The following TAF6 variants were observed in gnomAD, a reference collection of about 807,000 sequenced individuals.
TAF6 encodes TATA-box binding protein associated factor 6.
Under a neutral mutation model 73.5 loss-of-function variants are expected in TAF6, and 50 were observed. That is an observed-to-expected ratio of 0.68 (90% CI 0.54 to 0.86). TAF6 has a LOEUF of 0.86. Ranked by LOEUF, TAF6 falls within the 40% of genes least tolerant of loss-of-function variation. The pLI is 0.00. For synonymous variants in TAF6, 424 were observed against 376.7 expected (o/e 1.13, Z -1.45); for missense variants, 768 against 899.5 (o/e 0.85, Z 1.87).
the TAF6 span, among the ~76,000 whole-genome samples, chr7:100,126,300 C>T: frequency 6.6e-6 from 1 of 152,186 alleles, no homozygotes; most frequent in Non-Finnish European, 1.5e-5. Flanking sequence ...TGAGATCACG[C>T]CACTGCACTC....
At position 100,111,747 on chromosome 7, in the gene TAF6, G is replaced by A. The variant is rs201325313; in HGVS notation, c.881C>T (p.Thr294Met). 6.2e-6 allele frequency: 10 copies of A among 1,614,184 alleles called. No individual in the cohort carries two copies. The African/African-American group carries it at 6.7e-5, about 11-fold the overall frequency. Reference protein sequence around the residue: ...RMVKALMDNPTLYLEKYVHEL... With the variant: ...RMVKALMDNPMLYLEKYVHEL... ...ACTCACGTATTTTTCTAGATAGAGC[G>A]TGGGGTTGTCCATCAGCGCTTTCAC... The change falls in exon 9 of 15, where the codon ACG becomes ATG. Residue 294 changes from threonine (T) to methionine (M), a missense_variant. By Grantham distance (81) the Thr-to-Met change is moderately conservative (BLOSUM62 -1). Coordinates refer to ENST00000453269, the MANE Select transcript of TAF6 (RefSeq NM_139315.3).
chr7:100,121,117 T>TATATATATATATATATATA (rs1491228284), upstream of TAF6: 18 of 35,118 alleles, frequency 5.1e-4, no homozygotes, highest in African/African-American at 7.7e-4. Flanking sequence ...TATATATATA[T>TATATATATATATATATATA]TTTTTTTTTT....
chr7:100,107,388 G>T lies in TAF6; in HGVS notation c.1892C>A (p.Pro631Gln), dbSNP rs148250440. 3 of 1,596,238 alleles carry T rather than the reference G, an allele frequency of 1.9e-6. No individual in the cohort carries two copies. The highest frequency in any genetic ancestry group is 3.5e-5 in the Admixed American group (2 of 57,918). Reference sequence around the variant, plus strand: ...GCTGAGTGGGGACGGGGACGATGCCGGGGGAGGAACTGGAGAAGGATGGGA... The same window carrying T: ...GCTGAGTGGGGACGGGGACGATGCCTGGGGAGGAACTGGAGAAGGATGGGA... Reference protein sequence around the residue: ...PTSHPSPVPPPASSPSPLSGS... With the variant: ...PTSHPSPVPPQASSPSPLSGS... Residue 631 changes from proline (P) to glutamine (Q), a missense_variant, in exon 15 of 15, where the codon CCG becomes CAG. Pro to Gln is a moderately conservative substitution (Grantham distance 76). Around this residue, in one of 5 missense-constraint regions of TAF6, gnomAD observed 350 missense variants for 352.3 expected, o/e 0.99. Transcript: ENST00000453269.
At chr7:100,117,769 G>A (rs1161916337) in intron 1 of TAF6, among the ~76,000 whole-genome samples, 2 of 152,100 alleles carry the variant, frequency 1.3e-5, no homozygotes, top group East Asian at 1.9e-4. Flanking sequence ...TGGGCCGGCC[G>A]TGGTGGCTCA....
rs1238279473 is a variant in TAF6 at position 100,119,348 on chromosome 7, T to C, written c.-204A>G. On this transcript the variant is annotated 5_prime_UTR_variant, in exon 1 of 15. Coordinates refer to ENST00000453269, the MANE Select transcript of TAF6 (RefSeq NM_139315.3). Reference sequence around the variant, plus strand: ...GCTCACCCGGCGCTCGGCGCCATCTTGGCCCCGCCCCCTCGTGGGAGCAGG... The same window carrying C: ...GCTCACCCGGCGCTCGGCGCCATCTCGGCCCCGCCCCCTCGTGGGAGCAGG... The C allele has an allele frequency of 9.6e-7, 1 of 1,040,120 alleles. No individual in the cohort carries two copies. The highest frequency in any genetic ancestry group is 1.2e-6 in the Non-Finnish European group (1 of 862,996). The allele number at this position is 1,040,120 out of a possible 1,614,324, so 64.4% of individuals were successfully genotyped here.
upstream of TAF6, chr7:100,122,129 A>G: frequency 1.8e-6 from 2 of 1,135,126 alleles, no homozygotes; most frequent in Non-Finnish European, 2.5e-6. Flanking sequence ...TGGCTGAGCC[A>G]GGATTCCAAC....
At chr7:100,108,219 C>G (rs972625327) in intron 13 of TAF6, 96 bp from the exon 14 acceptor site, 1 of 1,462,234 alleles carries the variant, frequency 6.8e-7, no homozygotes, top group Non-Finnish European at 9.1e-7. Context: ...TCCTCAGTGG[C>G]TCTCACTAGG....
chr7:100,118,666 A>C lies in TAF6; in HGVS notation c.-60+538T>G, dbSNP rs940317172. 6.1e-5 allele frequency: 12 copies of C among 196,170 alleles called. No homozygotes were observed. The South Asian group carries it at 8.8e-4, about 14-fold the overall frequency. 12.2% of individuals were successfully genotyped at this position (196,170 alleles called of 1,614,324 possible). On this transcript the variant is annotated intron_variant, in intron 1 of 14. Transcript: ENST00000453269. ...ACGGAAACCCTGTCTCAAAAAAAAA[A>C]CAAAAAAAAATTAAAGTGGCACACT...
upstream of TAF6, chr7:100,121,975 A>G (rs946721260): frequency 1.1e-4 from 34 of 317,304 alleles, no homozygotes; most frequent in Non-Finnish European, 1.6e-4. Flanking sequence ...GCGTGAACCC[A>G]GGAGGCGGAG....
At chr7:100,116,373 T>G (rs1797670842) in intron 1 of TAF6, 2 of 152,404 alleles carry the variant, frequency 1.3e-5, no homozygotes, top group Admixed American at 6.6e-5. Context: ...GCACAGTGGC[T>G]CACGCCTGTA....
At chr7:100,125,130 C>T in the TAF6 span, 8 of 492,946 alleles carry the variant, frequency 1.6e-5, no homozygotes, top group African/African-American at 1.5e-4. Flanking sequence ...CCTTAATTGG[C>T]AGGTGTATGT....
At chr7:100,119,644 T>A, upstream of TAF6, 1 of 1,604,056 alleles carries the variant, frequency 6.2e-7, no homozygotes. Context: ...CTTCCTCGGC[T>A]GGATTTAAGG....
At position 100,111,802 on chromosome 7, in the gene TAF6, GGTT is replaced by G; in HGVS notation, c.823_825del (p.Asn275del). The G allele has an allele frequency of 6.2e-7, 1 of 1,614,240 alleles. No homozygotes were observed. The highest frequency in any genetic ancestry group is 8.5e-7 in the Non-Finnish European group (1 of 1,180,040). ...CGCATCAGGTAGATGAGTAGGGCCA[GGTT>G]GTTCTGAACCACGTTCACACGGACC... On this transcript the variant is annotated inframe_deletion, in exon 9 of 15. Coordinates refer to ENST00000453269, the MANE Select transcript of TAF6 (RefSeq NM_139315.3).
chr7:100,111,209 G>T lies in TAF6; in HGVS notation c.1013C>A (p.Ala338Asp). ...TGTGCTAAAATGCTTGCAGATCTGGGCCACCAGGCGGGCAGCAAAGTCTCG... is the reference window on the plus strand; with the variant it reads ...TGTGCTAAAATGCTTGCAGATCTGGTCCACCAGGCGGGCAGCAAAGTCTCG... The part of the protein sequence containing the change: ...ALRDFAARLV[A>D]QICKHFSTTT... Residue 338 changes from alanine (A) to aspartate (D), a missense_variant, in exon 10 of 15, where the codon GCC becomes GAC. By Grantham distance (126) the Ala-to-Asp change is moderately radical (BLOSUM62 -2). Transcript: ENST00000453269. 1 of 1,614,182 alleles carries T rather than the reference G, an allele frequency of 6.2e-7. No individual in the cohort carries two copies. The highest frequency in any genetic ancestry group is 2.2e-5 in the East Asian group (1 of 44,882).
At chr7:100,121,118 T>TATATATATATA (rs1798048567), upstream of TAF6, 4 of 31,896 alleles carry the variant, frequency 1.3e-4, no homozygotes, top group Non-Finnish European at 1.6e-4. Flanking sequence ...ATATATATAT[T>TATATATATATA]TTTTTTTTTT....
the TAF6 span, chr7:100,127,138 G>A: frequency 9.6e-6 from 5 of 519,268 alleles, no homozygotes; most frequent in African/African-American, 8.1e-5. This position sits in a 1 kb window ranked among gnomAD's most constrained non-coding sequence, Gnocchi z 4.6. Flanking sequence ...AAGGACGTAC[G>A]TACCGCGAAC....
intron 1 of TAF6, 146 bp downstream of exon 1, chr7:100,119,058 A>C: frequency 1.0e-6 from 1 of 986,062 alleles, no homozygotes; most frequent in Admixed American, 6.1e-5. Flanking sequence ...GGAAGGGTTA[A>C]CTTAAGCGAG....
chr7:100,113,006 T>G, intron 5 of TAF6, 89 bp from the exon 6 acceptor site: 2 of 1,515,506 alleles, frequency 1.3e-6, no homozygotes, highest in Middle Eastern at 1.9e-4. Flanking sequence ...GGCTCATGCC[T>G]GTAATCCCAG....
intron 2 of TAF6, 39 bp downstream of exon 2, chr7:100,114,015 A>T: frequency 6.2e-7 from 1 of 1,614,134 alleles, no homozygotes; most frequent in Non-Finnish European, 8.5e-7. Context: ...CCTGGGTGAC[A>T]TGGACCCAAT....
Sources: allele counts gnomAD v4.1 joint callset (sites outside exome capture counted in the v4.1 genomes callset), GRCh38; gene constraint gnomAD v4.1.1; regional missense constraint gnomAD v4.1.1; non-coding constraint Gnocchi (gnomAD v3.1); transcripts MANE v1.5; gene names NCBI Gene and HGNC (gene_info 2026-07-23, HGNC 2026-07-21).